Variants in CA8 observed in about 807,000 individuals in gnomAD.
CA8 encodes carbonic anhydrase 8 (inactive), also known as carbonic anhydrase-related protein.
Under a neutral mutation model 41.4 loss-of-function variants are expected in CA8, and 22 were observed. That is an observed-to-expected ratio of 0.53 (90% CI 0.38 to 0.76). The LOEUF (loss-of-function observed/expected upper bound fraction) is 0.76, where lower values mean the gene tolerates loss of function less well. CA8 is among the 30% of genes least tolerant of loss of function. The pLI, the probability that CA8 is intolerant of heterozygous loss-of-function variation, is 0.00. For synonymous variants in CA8, 121 were observed against 130.6 expected, an observed-to-expected ratio of 0.93 and a Z score of 0.50; for missense variants, 270 against 352.8, an observed-to-expected ratio of 0.77 and a Z score of 1.88.
At chr8:60,202,556 T>C (rs541700064) in intron 8 of CA8, among the ~76,000 whole-genome samples, 2 of 152,292 alleles carry the variant, frequency 1.3e-5, no homozygotes, top group Admixed American at 6.5e-5. Flanking sequence ...GTATAAAATT[T>C]AAAAACTATT....
intron 8 of CA8, among the ~76,000 whole-genome samples, chr8:60,199,761 T>C (rs1278125883): frequency 1.3e-5 from 2 of 152,168 alleles, no homozygotes; most frequent in African/African-American, 4.8e-5. Context: ...TTTAGCTTTG[T>C]ATGTAATGAA....
chr8:60,259,790 T>C (rs1391056492), intron 3 of CA8, among the ~76,000 whole-genome samples: 1 of 151,640 alleles, frequency 6.6e-6, no homozygotes, highest in Non-Finnish European at 1.5e-5. Context: ...CAATCATGAC[T>C]TCTGGAGAGG....
intron 3 of CA8, among the ~76,000 whole-genome samples, chr8:60,253,210 G>C (rs1808510907): frequency 6.6e-6 from 1 of 152,182 alleles, no homozygotes. Context: ...ACTCCAGTCT[G>C]AGTGACAGAG....
At chr8:60,260,292 C>T (rs570212141) in intron 3 of CA8, among the ~76,000 whole-genome samples, 2 of 152,278 alleles carry the variant, frequency 1.3e-5, no homozygotes, top group African/African-American at 4.8e-5. Flanking sequence ...CGACCCCATT[C>T]TTGGAGGTAG....
At chr8:60,220,276 T>C (rs1040130923) in intron 7 of CA8, among the ~76,000 whole-genome samples, 3 of 151,996 alleles carry the variant, frequency 2.0e-5, no homozygotes, top group Non-Finnish European at 4.4e-5. Flanking sequence ...GTGGAAGGGA[T>C]GGAGGAGGAA....
At chr8:60,216,731 C>G (rs151169531) in intron 7 of CA8, among the ~76,000 whole-genome samples, 1 of 152,246 alleles carries the variant, frequency 6.6e-6, no homozygotes, top group East Asian at 1.9e-4. Flanking sequence ...TGTATCATAT[C>G]TACAGGATCC....
rs1020044762 is a variant in CA8, at chr8:60,187,742, C to T, written c.*2279G>A. ...ATAAGCTACATGAAAAATCATTTCACTTTGTTGCCTTATTAAATTGTTTCA... is the reference window on the plus strand; with the variant it reads ...ATAAGCTACATGAAAAATCATTTCATTTTGTTGCCTTATTAAATTGTTTCA... On this transcript the variant is annotated 3_prime_UTR_variant, in exon 9 of 9. Transcript: ENST00000317995. 3 of 152,172 alleles carry T rather than the reference C, an allele frequency of 2.0e-5. No individual in the cohort carries two copies. The highest frequency in any genetic ancestry group is 2.9e-5 in the Non-Finnish European group (2 of 68,018). The allele number at this position is 152,172 out of a possible 1,614,324, so 9.4% of individuals were successfully genotyped here.
intron 8 of CA8, among the ~76,000 whole-genome samples, chr8:60,205,744 T>C (rs1449539942): frequency 1.3e-5 from 2 of 152,194 alleles, no homozygotes; most frequent in African/African-American, 2.4e-5. Context: ...GTCTTCCAGG[T>C]GCCCAGACAT....
intron 3 of CA8, among the ~76,000 whole-genome samples, chr8:60,250,483 C>G (rs1257321107): frequency 6.6e-6 from 1 of 152,184 alleles, no homozygotes; most frequent in Non-Finnish European, 1.5e-5. Flanking sequence ...GCTCGGTAAG[C>G]TCTCCACATT....
chr8:60,231,799 T>C (rs1023837001), intron 4 of CA8, among the ~76,000 whole-genome samples: 12 of 152,234 alleles, frequency 7.9e-5, no homozygotes, highest in African/African-American at 2.4e-4. Context: ...AAATGTTATA[T>C]TGACTATATC....
intron 8 of CA8, among the ~76,000 whole-genome samples, chr8:60,193,939 G>A (rs1329763725): frequency 6.6e-6 from 1 of 152,056 alleles, no homozygotes; most frequent in Non-Finnish European, 1.5e-5. Context: ...CTCTTAAACT[G>A]GTCCTCTAAT....
chr8:60,274,757 G>A (rs1804179336), intron 2 of CA8, among the ~76,000 whole-genome samples: 1 of 152,038 alleles, frequency 6.6e-6, no homozygotes. Flanking sequence ...TTGGACTTCC[G>A]AGTCTCCAGA....
rs138954105 is a variant in CA8 at position 60,277,098 on chromosome 8, G to A, written c.292+2591C>T. On this transcript the variant is annotated intron_variant, in intron 2 of 8. Coordinates refer to ENST00000317995, the MANE Select transcript of CA8 (RefSeq NM_004056.6). ...CGCACCATTGCACTCCAGCCTAGGC[G>A]ACAGAGCGAGACTCTGTCTCAAAAG... Among the ~76,000 whole-genome samples, 1,147 of 142,580 alleles carry A rather than the reference G, an allele frequency of 8.0e-3. 18 individuals carry two copies. The highest frequency in any genetic ancestry group is 0.028 in the African/African-American group (1,078 of 38,328). 93.5% of individuals were successfully genotyped at this position (142,580 alleles called of 152,430 possible). A position where few individuals can be genotyped will look rare whatever the true frequency, so the allele number is the denominator to read the frequency against.
rs1387634811 is a variant in CA8, at chr8:60,186,406, AT to A, written c.*3614del. 1.3e-5 allele frequency among the ~76,000 whole-genome samples: 2 copies of A among 151,926 alleles called. No homozygotes were observed. The highest frequency in any genetic ancestry group is 4.1e-4 in the South Asian group (2 of 4,822). On this transcript the variant is annotated 3_prime_UTR_variant, in exon 9 of 9. Coordinates refer to ENST00000317995, the MANE Select transcript of CA8 (RefSeq NM_004056.6). Reference sequence around the variant, plus strand: ...CCACTGTGAAAATATACTCAAAAAAATGAAAAAAATAATTAAAGCAATTGAA... The same window carrying A: ...CCACTGTGAAAATATACTCAAAAAAAGAAAAAAATAATTAAAGCAATTGAA...
intron 1 of CA8, 68 bp downstream of exon 1, chr8:60,280,980 A>C: frequency 8.7e-7 from 1 of 1,155,992 alleles, no homozygotes; most frequent in Non-Finnish European, 1.3e-6. Context: ...GCAGGACTCG[A>C]GTCCCGCGCT....
At chr8:60,213,160 C>A (rs72663296) in intron 7 of CA8, among the ~76,000 whole-genome samples, 1 of 152,268 alleles carries the variant, frequency 6.6e-6, no homozygotes, top group African/African-American at 2.4e-5. Context: ...CATTCATAAA[C>A]CAACTCTCAC....
chr8:60,243,803 G>A (rs1808127464), intron 3 of CA8, among the ~76,000 whole-genome samples: 1 of 152,120 alleles, frequency 6.6e-6, no homozygotes, highest in Non-Finnish European at 1.5e-5. Context: ...TTCAACAGCA[G>A]TTCCATCGCA....
intron 8 of CA8, among the ~76,000 whole-genome samples, chr8:60,200,617 G>C (rs1054303669): frequency 3.3e-5 from 5 of 152,158 alleles, no homozygotes; most frequent in African/African-American, 9.7e-5. Flanking sequence ...CATATCAGTA[G>C]ATCTAATGTA....
intron 3 of CA8, 58 bp downstream of exon 3, chr8:60,265,867 A>G: frequency 6.4e-7 from 1 of 1,556,444 alleles, no homozygotes; most frequent in Non-Finnish European, 8.9e-7. Context: ...TTTTCAGTAA[A>G]TCGCTGAATA....
Sources: allele counts gnomAD v4.1 joint callset (sites outside exome capture counted in the v4.1 genomes callset), GRCh38; gene constraint gnomAD v4.1.1; transcripts MANE v1.5; gene names NCBI Gene and HGNC (gene_info 2026-07-23, HGNC 2026-07-21).